The following EYA4 variants were observed in gnomAD, a reference collection of about 807,000 sequenced individuals.
EYA4 encodes protein phosphatase EYA4.
A neutral mutation model predicts 87.9 loss-of-function variants in EYA4; 31 were observed. The ratio of observed to expected loss-of-function variants is 0.35; its 90% confidence interval spans 0.27 to 0.48. The LOEUF (loss-of-function observed/expected upper bound fraction) is 0.48. EYA4 is among the 20% of genes least tolerant of loss of function. EYA4 has a pLI of 0.99. For missense variants in EYA4, 678 were observed against 761.4 expected, an observed-to-expected ratio of 0.89 and a Z score of 1.29; for synonymous variants, 263 against 270.6, an observed-to-expected ratio of 0.97 and a Z score of 0.28.
At chr6:133,409,940 AAT>A (rs1789061627) in intron 3 of EYA4, among the ~76,000 whole-genome samples, 1 of 152,136 alleles carries the variant, frequency 6.6e-6, no homozygotes, top group Non-Finnish European at 1.5e-5. Context: ...GTACACCTTA[AAT>A]ATATGTCCTC....
intron 2 of EYA4, among the ~76,000 whole-genome samples, chr6:133,377,778 T>C (rs1027473872): frequency 2.6e-5 from 4 of 151,982 alleles, no homozygotes; most frequent in African/African-American, 9.7e-5. Context: ...AGGTTCTTCT[T>C]TGAAAATTGT....
intron 2 of EYA4, among the ~76,000 whole-genome samples, chr6:133,352,219 A>G (rs144361063): frequency 0.012 from 1,844 of 152,320 alleles, 38 homozygotes; most frequent in African/African-American, 0.043. Context: ...TACCTTATGC[A>G]TCATCTTGTG....
chr6:133,526,836 T>A (rs922969794), intron 19 of EYA4, among the ~76,000 whole-genome samples: 1 of 152,226 alleles, frequency 6.6e-6, no homozygotes, highest in Admixed American at 6.5e-5. Context: ...GAGCAGCCAA[T>A]GATTAGTAAT....
chr6:133,355,771 A>T (rs1445236630), intron 2 of EYA4, among the ~76,000 whole-genome samples: 1 of 152,212 alleles, frequency 6.6e-6, no homozygotes, highest in Non-Finnish European at 1.5e-5. Flanking sequence ...CAGGATCTTG[A>T]ATGTAAAAAT....
chr6:133,390,638 G>A (rs532232903), intron 3 of EYA4, among the ~76,000 whole-genome samples: 1 of 152,196 alleles, frequency 6.6e-6, no homozygotes, highest in East Asian at 1.9e-4. Context: ...AACATTCTAG[G>A]AAAAAATATA....
In EYA4 at chr6:133,483,083, C is replaced by T; in HGVS notation, c.1159C>T (p.Leu387Phe). The change falls in exon 13 of 20, where the codon CTC becomes TTC. Residue 387 changes from leucine (L) to phenylalanine (F), a missense_variant. Physicochemically the swap from Leu to Phe is conservative, Grantham distance 22. Coordinates refer to ENST00000355286, the MANE Select transcript of EYA4 (RefSeq NM_004100.5). ...DETIIVFHSLLTGSYAQKYGK... is the reference protein window; with the variant it reads ...DETIIVFHSLFTGSYAQKYGK... The stretch of plus-strand genomic sequence containing the variant: ...AACCATCATTGTTTTTCACTCACTG[C>T]TCACCGGGTCTTATGCACAGAAGTA... 2 of 1,612,886 alleles carry T rather than the reference C, an allele frequency of 1.2e-6. No individual in the cohort carries two copies. Among genetic ancestry groups the T allele is most frequent in the Non-Finnish European group, 1.7e-6 (2 of 1,179,194 alleles).
intron 13 of EYA4, among the ~76,000 whole-genome samples, chr6:133,490,808 C>T (rs1797083150): frequency 6.6e-6 from 1 of 152,110 alleles, no homozygotes; most frequent in Non-Finnish European, 1.5e-5. Context: ...TCCAGACACA[C>T]AATCAACAAA....
chr6:133,287,944 C>T (rs1164670708), intron 2 of EYA4, among the ~76,000 whole-genome samples: 1 of 152,164 alleles, frequency 6.6e-6, no homozygotes, highest in East Asian at 1.9e-4. Flanking sequence ...GCCTGGCCAA[C>T]ATGGTGAAAC....
chr6:133,492,413 TA>T (rs531485268), intron 13 of EYA4, among the ~76,000 whole-genome samples: 3 of 151,128 alleles, frequency 2.0e-5, no homozygotes, highest in Non-Finnish European at 1.5e-5. Context: ...CCTTTGCTGA[TA>T]AAAAAAATCT....
At chr6:133,359,992 AGGCAGGCTGCATCT>A (rs949220171) in intron 2 of EYA4, among the ~76,000 whole-genome samples, 2 of 152,210 alleles carry the variant, frequency 1.3e-5, no homozygotes, top group African/African-American at 4.8e-5. Context: ...TACATCTGGA[AGGCAGGCTGCATCT>A]GAAGAAGGTA....
intron 3 of EYA4, among the ~76,000 whole-genome samples, chr6:133,394,376 T>C (rs1250523414): frequency 7.2e-6 from 1 of 139,652 alleles, no homozygotes; most frequent in Non-Finnish European, 1.5e-5. Flanking sequence ...ATCAAACAAA[T>C]ACTTGTCTTG....
chr6:133,522,637 G>A (rs1800285457), intron 17 of EYA4, among the ~76,000 whole-genome samples: 2 of 151,942 alleles, frequency 1.3e-5, no homozygotes, highest in Admixed American at 1.3e-4. Flanking sequence ...CCTGTTACAA[G>A]TATATACAGT....
At chr6:133,246,390 C>A (rs534339920) in intron 1 of EYA4, among the ~76,000 whole-genome samples, 2 of 151,048 alleles carry the variant, frequency 1.3e-5, no homozygotes, top group African/African-American at 4.9e-5. Flanking sequence ...TTTATTTTAA[C>A]GTACTTTTGG....
chr6:133,524,222 A>G lies in EYA4; in HGVS notation c.1739-932A>G, dbSNP rs566025641. Among the ~76,000 whole-genome samples the G allele has an allele frequency of 6.3e-4, 96 of 152,336 alleles. 1 individual carries two copies. The highest frequency in any genetic ancestry group is 2.1e-3 in the African/African-American group (89 of 41,584). ...TTTTTGATGAATCAAATAATTTTAC[A>G]GCAGAATAAACATTTATTTTAGTAA... On this transcript the variant is annotated intron_variant, in intron 18 of 19. Transcript: ENST00000355286.
At chr6:133,510,862 T>C (rs1799080196) in intron 14 of EYA4, among the ~76,000 whole-genome samples, 1 of 152,234 alleles carries the variant, frequency 6.6e-6, no homozygotes, top group Non-Finnish European at 1.5e-5. Context: ...TTAGCATTTG[T>C]CTAGACTTCT....
At chr6:133,457,516 A>C (rs1213859624) in intron 6 of EYA4, among the ~76,000 whole-genome samples, 1 of 152,134 alleles carries the variant, frequency 6.6e-6, no homozygotes, top group Non-Finnish European at 1.5e-5. Context: ...TTTGTGTAAA[A>C]ATAGTTGAGA....
chr6:133,273,098 T>TGTATATATATATATATATAA (rs1491433344), intron 1 of EYA4, among the ~76,000 whole-genome samples: 133 of 83,084 alleles, frequency 1.6e-3, no homozygotes, highest in Non-Finnish European at 2.5e-3. Context: ...TATATATATG[T>TGTATATATATATATATATAA]ATATATATAT....
At chr6:133,432,863 A>T (rs1404635571) in intron 3 of EYA4, among the ~76,000 whole-genome samples, 1 of 152,118 alleles carries the variant, frequency 6.6e-6, no homozygotes, top group East Asian at 1.9e-4. Flanking sequence ...AGAAAGGAAA[A>T]GACTACAGAA....
intron 1 of EYA4, among the ~76,000 whole-genome samples, chr6:133,273,706 A>C (rs954877470): frequency 6.6e-6 from 1 of 152,304 alleles, no homozygotes; most frequent in East Asian, 1.9e-4. Flanking sequence ...CTAGAAATGT[A>C]CCATTGCAAT....
Sources: allele counts gnomAD v4.1 joint callset (sites outside exome capture counted in the v4.1 genomes callset), GRCh38; gene constraint gnomAD v4.1.1; transcripts MANE v1.5; gene names NCBI Gene and HGNC (gene_info 2026-07-23, HGNC 2026-07-21).